The following GPM6A variants were observed in gnomAD, a reference collection of about 807,000 sequenced individuals.
The protein encoded by GPM6A is glycoprotein M6A.
GPM6A carries 7 observed loss-of-function variants against 32.1 expected under a neutral mutation model. The observed-to-expected ratio is 0.22, with a 90% CI of 0.12 to 0.41. The LOEUF (loss-of-function observed/expected upper bound fraction) is 0.41. Among genes scored for constraint, GPM6A ranks in the 10% least tolerant of loss-of-function variants. The probability of loss-of-function intolerance (pLI) is 1.00; values close to 1 mark genes in which losing one functional copy is unlikely to be tolerated. For synonymous variants in GPM6A, 130 were observed against 123.4 expected, an observed-to-expected ratio of 1.05 and a Z score of -0.35; for missense variants, 235 against 347.2, an observed-to-expected ratio of 0.68 and a Z score of 2.57.
At chr4:175,979,638 C>T (rs895689275) in intron 1 of GPM6A, among the ~76,000 whole-genome samples, 15 of 152,194 alleles carry the variant, frequency 9.9e-5, no homozygotes, top group African/African-American at 3.4e-4. Flanking sequence ...ATATGGAGAG[C>T]TCCTGAGTTT....
chr4:175,761,788 A>G (rs547628696), intron 1 of GPM6A, among the ~76,000 whole-genome samples: 29 of 143,572 alleles, frequency 2.0e-4, no homozygotes, highest in Non-Finnish European at 4.0e-4. Context: ...CTCACCAGCC[A>G]AATAATAAAC....
chr4:175,774,398 A>C (rs943882748), intron 1 of GPM6A, among the ~76,000 whole-genome samples: 24 of 152,204 alleles, frequency 1.6e-4, no homozygotes, highest in African/African-American at 5.5e-4. Context: ...TAAATCCTTC[A>C]AATACTGTAA....
At chr4:175,971,269 T>C (rs1433028866) in intron 1 of GPM6A, among the ~76,000 whole-genome samples, 1 of 119,180 alleles carries the variant, frequency 8.4e-6, no homozygotes, top group Non-Finnish European at 1.6e-5. Flanking sequence ...TTATCTTCCG[T>C]GAAAAAAAAA....
intron 1 of GPM6A, chr4:175,961,962 C>A (rs1579667416): frequency 8.1e-6 from 4 of 496,296 alleles, no homozygotes; most frequent in African/African-American, 2.0e-5. Flanking sequence ...CCTCACCCAA[C>A]CTTACCACCA....
intron 3 of GPM6A, among the ~76,000 whole-genome samples, chr4:175,670,645 A>G (rs1197082919): frequency 7.2e-5 from 11 of 152,096 alleles, no homozygotes; most frequent in Admixed American, 7.2e-4. Context: ...GTTAATAATG[A>G]TTTTCACCCT....
intron 3 of GPM6A, among the ~76,000 whole-genome samples, chr4:175,661,367 G>A (rs1225450047): frequency 1.3e-5 from 2 of 151,168 alleles, no homozygotes; most frequent in African/African-American, 2.4e-5. Flanking sequence ...CCCAGGAGGT[G>A]GAGGTTTCAG....
chr4:175,854,707 G>T (rs377491409), intron 1 of GPM6A, among the ~76,000 whole-genome samples: 1 of 152,150 alleles, frequency 6.6e-6, no homozygotes, highest in Non-Finnish European at 1.5e-5. Context: ...CGGAGAATAC[G>T]GAGAGACCTA....
intron 1 of GPM6A, among the ~76,000 whole-genome samples, chr4:175,946,660 A>T (rs1165547584): frequency 6.6e-6 from 1 of 152,136 alleles, no homozygotes; most frequent in African/African-American, 2.4e-5. Flanking sequence ...ACAGCTGTGG[A>T]GTGTCCGAGG....
At chr4:175,945,969 T>A (rs557739396) in intron 1 of GPM6A, among the ~76,000 whole-genome samples, 1 of 152,054 alleles carries the variant, frequency 6.6e-6, no homozygotes, top group South Asian at 2.1e-4. Context: ...TTCCCACATA[T>A]AAGTAATGGA....
intron 1 of GPM6A, among the ~76,000 whole-genome samples, chr4:175,820,056 C>A (rs1735225949): frequency 6.6e-6 from 1 of 152,150 alleles, no homozygotes; most frequent in Non-Finnish European, 1.5e-5. Flanking sequence ...TGCTTGATAG[C>A]TTTCGTCAAC....
At chr4:175,791,912 C>G (rs931870316) in intron 1 of GPM6A, among the ~76,000 whole-genome samples, 1 of 152,028 alleles carries the variant, frequency 6.6e-6, no homozygotes, top group Admixed American at 6.6e-5. Context: ...TTATGGGGAG[C>G]CTATTTTTTA....
At chr4:175,650,630 C>T (rs944741937) in intron 4 of GPM6A, among the ~76,000 whole-genome samples, 1 of 152,052 alleles carries the variant, frequency 6.6e-6, no homozygotes, top group Non-Finnish European at 1.5e-5. Context: ...TAAATGCGAA[C>T]TAGTGTACTG....
At chr4:175,881,362 G>A (rs1411275582) in intron 1 of GPM6A, among the ~76,000 whole-genome samples, 5 of 152,194 alleles carry the variant, frequency 3.3e-5, no homozygotes, top group Non-Finnish European at 7.3e-5. Context: ...TAGAGAGGAT[G>A]TGGAGAAATA....
At chr4:175,934,026 A>G (rs2126319996) in intron 1 of GPM6A, among the ~76,000 whole-genome samples, 1 of 152,360 alleles carries the variant, frequency 6.6e-6, no homozygotes, top group East Asian at 1.9e-4. Flanking sequence ...AAAAGAAACC[A>G]CATATCAAAA....
chr4:175,839,087 G>C (rs1429053004), intron 1 of GPM6A, among the ~76,000 whole-genome samples: 9 of 152,102 alleles, frequency 5.9e-5, no homozygotes, highest in African/African-American at 1.9e-4. Flanking sequence ...TTTCATTTAA[G>C]ATTATCCAAT....
rs143936486 is a variant in GPM6A, at chr4:175,750,724, TA to T, written c.38-48958del. On this transcript the variant is annotated intron_variant, in intron 1 of 6. Transcript: ENST00000393658. ...AGTAGCTAGGATTATAGGCATGTGC[TA>T]CCATGCCCAGCTAATTTCCTGTATT... 1.5e-3 allele frequency among the ~76,000 whole-genome samples: 224 copies of T among 152,072 alleles called. 1 individual carries two copies. The highest frequency in any genetic ancestry group is 5.1e-3 in the African/African-American group (212 of 41,500).
chr4:175,715,719 C>CTT (rs35485713), intron 1 of GPM6A, among the ~76,000 whole-genome samples: 7,167 of 145,876 alleles, frequency 0.049, 216 homozygotes, highest in Non-Finnish European at 0.07. Flanking sequence ...TTACTATTGA[C>CTT]TTTTTTTTTT....
intron 1 of GPM6A, among the ~76,000 whole-genome samples, chr4:175,954,418 G>C (rs1739918051): frequency 2.0e-5 from 3 of 152,152 alleles, no homozygotes; most frequent in Admixed American, 2.0e-4. Context: ...GCTTAAATGA[G>C]TTTCCTTGTC....
At chr4:175,911,511 T>A (rs913986907) in intron 1 of GPM6A, among the ~76,000 whole-genome samples, 1 of 152,148 alleles carries the variant, frequency 6.6e-6, no homozygotes, top group Admixed American at 6.5e-5. Flanking sequence ...TTGGCATAGA[T>A]CATTGACATA....
Sources: gnomAD v4.1 joint callset for allele counts (sites outside exome capture counted in the v4.1 genomes callset) on GRCh38, gnomAD v4.1.1 for gene constraint, MANE v1.5 for transcripts, NCBI Gene and HGNC (gene_info 2026-07-23, HGNC 2026-07-21) for gene names.